PRIM2: variants seen among roughly 807,000 people sequenced by gnomAD.
PRIM2 encodes the protein DNA primase large subunit.
In PRIM2, 39 loss-of-function variants were observed where a neutral mutation model predicts 67.3. That is an observed-to-expected ratio of 0.58 (90% CI 0.45 to 0.76). The LOEUF (loss-of-function observed/expected upper bound fraction) is 0.76, where lower values mean the gene tolerates loss of function less well. PRIM2 is among the 30% of genes least tolerant of loss of function. PRIM2 has a pLI of 0.00. For synonymous variants in PRIM2, 143 were observed against 198.7 expected, an observed-to-expected ratio of 0.72 and a Z score of 2.36; for missense variants, 398 against 598.7, an observed-to-expected ratio of 0.66 and a Z score of 3.50.
chr6:57,500,502 G>A (rs1379982427), intron 7 of PRIM2, among the ~76,000 whole-genome samples: 4 of 152,262 alleles, frequency 2.6e-5, no homozygotes, highest in African/African-American at 9.6e-5. Flanking sequence ...CTAGCCATAC[G>A]GGAAACACAG....
Position 57,457,360 on chromosome 6 carries a change from T to A in PRIM2, c.694-50027T>A, listed in dbSNP as rs1467315801. ...GTCTGCAGAGGATTCTGCTGCCTTT[T>A]GTTTGGCAATGCCCTGCCTCCAGAG... On this transcript the variant is annotated intron_variant, in intron 7 of 13. Coordinates refer to ENST00000615550, the MANE Select transcript of PRIM2 (RefSeq NM_000947.5). Among the ~76,000 whole-genome samples the A allele has an allele frequency of 1.3e-3, 192 of 152,350 alleles. 5 individuals are homozygous for A. In the East Asian group the frequency reaches 0.016, roughly 13 times the overall value.
At chr6:57,477,008 A>G (rs1312541307) in intron 7 of PRIM2, among the ~76,000 whole-genome samples, 1 of 152,168 alleles carries the variant, frequency 6.6e-6, no homozygotes, top group Non-Finnish European at 1.5e-5. Flanking sequence ...TAAGAGATTT[A>G]TTTATTGGGC....
the PRIM2 span, among the ~76,000 whole-genome samples, chr6:57,274,564 C>T: frequency 6.6e-6 from 1 of 152,240 alleles, no homozygotes; most frequent in Non-Finnish European, 1.5e-5. Context: ...TTCCCTGACC[C>T]TTTGCGCTTC....
At chr6:57,303,692 T>C in the PRIM2 span, among the ~76,000 whole-genome samples, 1 of 152,178 alleles carries the variant, frequency 6.6e-6, no homozygotes, top group Non-Finnish European at 1.5e-5. Context: ...CTCGGCTCAC[T>C]GCAAACTCTG....
At chr6:57,531,992 A>C (rs1203549369) in intron 8 of PRIM2, among the ~76,000 whole-genome samples, 25 of 152,138 alleles carry the variant, frequency 1.6e-4, no homozygotes, top group Non-Finnish European at 3.1e-4. Context: ...TTAGTCAATA[A>C]GGCACCTGGC....
chr6:57,293,675 T>C, the PRIM2 span, among the ~76,000 whole-genome samples: 1 of 152,202 alleles, frequency 6.6e-6, no homozygotes, highest in Non-Finnish European at 1.5e-5. Context: ...GATGAGTTCA[T>C]GTCCTTTGCA....
chr6:57,381,975 T>G (rs1173140143), intron 6 of PRIM2, 56 bp from the exon 7 acceptor site: 1 of 1,534,818 alleles, frequency 6.5e-7, no homozygotes, highest in Non-Finnish European at 8.8e-7. Context: ...TATGAAGACT[T>G]AGGATTTCTT....
chr6:57,645,511 G>A (rs1777320406), intron 13 of PRIM2, among the ~76,000 whole-genome samples: 2 of 150,940 alleles, frequency 1.3e-5, no homozygotes, highest in Admixed American at 6.6e-5. Flanking sequence ...GTTGGGGGCT[G>A]GGGAGGTGAG....
At chr6:57,369,435 A>G (rs1393117103) in intron 5 of PRIM2, among the ~76,000 whole-genome samples, 2 of 152,252 alleles carry the variant, frequency 1.3e-5, no homozygotes, top group Non-Finnish European at 2.9e-5. Context: ...CTATACCGTT[A>G]TACCATGTGC....
chr6:57,518,761 A>G (rs1431781323), intron 8 of PRIM2, among the ~76,000 whole-genome samples: 3 of 152,326 alleles, frequency 2.0e-5, no homozygotes, highest in East Asian at 1.9e-4. Flanking sequence ...TGCTGTTTTT[A>G]TCTTTTGTTT....
chr6:57,272,976 G>A, the PRIM2 span, among the ~76,000 whole-genome samples: 7 of 152,186 alleles, frequency 4.6e-5, no homozygotes, highest in Non-Finnish European at 8.8e-5. Context: ...CTGGCTTGTG[G>A]GGTTTCTGCT....
At chr6:57,622,618 A>C (rs1271422153) in intron 12 of PRIM2, among the ~76,000 whole-genome samples, 1 of 152,114 alleles carries the variant, frequency 6.6e-6, no homozygotes, top group East Asian at 1.9e-4. Context: ...TAGTTTTTTT[A>C]ATAGAGGAAG....
chr6:57,450,424 T>A (rs1159755359), intron 7 of PRIM2, among the ~76,000 whole-genome samples: 1 of 152,218 alleles, frequency 6.6e-6, no homozygotes, highest in African/African-American at 2.4e-5. Flanking sequence ...TGCTCTTTGA[T>A]TCTTGTCTCT....
At chr6:57,512,606 T>TC (rs1432781589) in intron 8 of PRIM2, among the ~76,000 whole-genome samples, 1 of 152,136 alleles carries the variant, frequency 6.6e-6, no homozygotes, top group African/African-American at 2.4e-5. Flanking sequence ...TCTTTTCTTT[T>TC]TTTTTGAGAC....
intron 10 of PRIM2, among the ~76,000 whole-genome samples, chr6:57,576,991 T>A (rs1775975065): frequency 6.6e-6 from 1 of 152,028 alleles, no homozygotes; most frequent in East Asian, 1.9e-4. Flanking sequence ...GATGTCATAG[T>A]AAATACAAAT....
intron 5 of PRIM2, among the ~76,000 whole-genome samples, chr6:57,344,778 G>C (rs1205892747): frequency 6.6e-6 from 1 of 152,158 alleles, no homozygotes; most frequent in African/African-American, 2.4e-5. Flanking sequence ...CACCATGGCA[G>C]ATGGTCTTAG....
At chr6:57,256,479 CATT>C in the PRIM2 span, among the ~76,000 whole-genome samples, 1 of 152,162 alleles carries the variant, frequency 6.6e-6, no homozygotes, top group African/African-American at 2.4e-5. Context: ...ACGTAAGTCA[CATT>C]ATTATAAATC....
At chr6:57,634,669 A>G (rs1200884986) in intron 13 of PRIM2, among the ~76,000 whole-genome samples, 1 of 152,292 alleles carries the variant, frequency 6.6e-6, no homozygotes, top group African/African-American at 2.4e-5. Context: ...TGAAAATTAG[A>G]TTTAAACATT....
At chr6:57,357,902 C>CAG (rs1297139291) in intron 5 of PRIM2, among the ~76,000 whole-genome samples, 7 of 152,050 alleles carry the variant, frequency 4.6e-5, no homozygotes, top group Non-Finnish European at 1.0e-4. Flanking sequence ...CTTCCTCTGT[C>CAG]AGAGCACTTG....
Sources: gnomAD v4.1 joint callset for allele counts (sites outside exome capture counted in the v4.1 genomes callset) on GRCh38, gnomAD v4.1.1 for gene constraint, MANE v1.5 for transcripts, NCBI Gene and HGNC (gene_info 2026-07-23, HGNC 2026-07-21) for gene names.